Variants in MSRA observed in about 807,000 individuals in gnomAD.
The protein encoded by MSRA is mitochondrial peptide methionine sulfoxide reductase.
MSRA carries 54 observed loss-of-function variants against 31.3 expected under a neutral mutation model. The observed-to-expected ratio is 1.73, with a 90% CI of 1.39 to 2.17. MSRA has a LOEUF of 2.17. Among genes scored for constraint, MSRA ranks in the 30% most tolerant of loss-of-function variants. The pLI, the probability that MSRA is intolerant of heterozygous loss-of-function variation, is 0.00. For missense variants in MSRA, 507 were observed against 300.9 expected (o/e 1.69, Z -5.07); for synonymous variants, 169 against 116.5 (o/e 1.45, Z -2.90).
intron 2 of MSRA, among the ~76,000 whole-genome samples, chr8:10,210,354 G>A (rs1390235681): frequency 1.3e-5 from 2 of 152,174 alleles, no homozygotes; most frequent in African/African-American, 2.4e-5. Context: ...GACTCTCTCT[G>A]CACTGGTTCA....
chr8:10,242,655 T>G (rs1367912571), intron 2 of MSRA, among the ~76,000 whole-genome samples: 1 of 152,234 alleles, frequency 6.6e-6, no homozygotes, highest in Non-Finnish European at 1.5e-5. Flanking sequence ...ATATTCATAA[T>G]GATCACCAGA....
At chr8:10,063,555 AC>A (rs986315476) in intron 1 of MSRA, among the ~76,000 whole-genome samples, 7 of 151,410 alleles carry the variant, frequency 4.6e-5, no homozygotes, top group African/African-American at 1.7e-4. Flanking sequence ...TGAAATCCTC[AC>A]CCCCCCAGGT....
intron 3 of MSRA, among the ~76,000 whole-genome samples, chr8:10,252,754 C>T (rs1335419902): frequency 2.6e-5 from 4 of 152,184 alleles, no homozygotes; most frequent in Non-Finnish European, 5.9e-5. Context: ...CTGGTACGCA[C>T]CTGCTCCAGT....
At chr8:10,359,913 A>T (rs1563392337) in intron 5 of MSRA, among the ~76,000 whole-genome samples, 1 of 152,116 alleles carries the variant, frequency 6.6e-6, no homozygotes, top group Non-Finnish European at 1.5e-5. Context: ...ACAGTGTTAA[A>T]ACTGTGCAGC....
intron 1 of MSRA, among the ~76,000 whole-genome samples, chr8:10,078,216 T>A (rs891393131): frequency 2.3e-4 from 35 of 152,242 alleles, no homozygotes; most frequent in African/African-American, 7.7e-4. Context: ...TTTCTGCTTT[T>A]TCTTTCCCTC....
intron 5 of MSRA, among the ~76,000 whole-genome samples, chr8:10,328,722 G>T (rs185484515): frequency 1.3e-5 from 2 of 152,284 alleles, no homozygotes; most frequent in Admixed American, 1.3e-4. Flanking sequence ...GTATATCTAA[G>T]ATGTAGCCTA....
chr8:10,296,451 A>G lies in MSRA; in HGVS notation c.332-5083A>G, dbSNP rs544217689. Among the ~76,000 whole-genome samples, 21 of 152,286 alleles carry G rather than the reference A, an allele frequency of 1.4e-4. No individual in the cohort carries two copies. In the East Asian group the frequency reaches 4.1e-3, roughly 29 times the overall value. On this transcript the variant is annotated intron_variant, in intron 3 of 5. Coordinates refer to ENST00000317173, the MANE Select transcript of MSRA (RefSeq NM_012331.5). ...ATTTAATCTTTGTTTTGTCACAGAG[A>G]TATTTTATTCCCATCTAAAAAAGTA...
chr8:10,198,085 T>A (rs1370019053), intron 1 of MSRA, among the ~76,000 whole-genome samples: 2 of 152,224 alleles, frequency 1.3e-5, no homozygotes, highest in Non-Finnish European at 2.9e-5. Context: ...CGATAGGGGC[T>A]AACTTTCCTT....
chr8:10,091,219 C>G (rs768244941), intron 1 of MSRA, among the ~76,000 whole-genome samples: 1 of 152,118 alleles, frequency 6.6e-6, no homozygotes, highest in African/African-American at 2.4e-5. Flanking sequence ...ATATTCGTAA[C>G]GATATTGGTC....
intron 3 of MSRA, among the ~76,000 whole-genome samples, chr8:10,295,321 C>A (rs964619352): frequency 6.6e-6 from 1 of 152,106 alleles, no homozygotes; most frequent in Non-Finnish European, 1.5e-5. Flanking sequence ...CGTCGCACTG[C>A]GCTGCCTCTC....
Position 10,428,221 on chromosome 8 carries a change from A to G in MSRA, c.617A>G (p.Asp206Gly), listed in dbSNP as rs750027175. ...GGACAGACTTTCTACTATGCGGAAG[A>G]CTACCACCAGCAGTACCTGAGCAAG... ...REGQTFYYAE[D>G]YHQQYLSKNP... The change falls in exon 6 of 6, where the codon GAC (aspartate) becomes GGC (glycine). Residue 206 changes from aspartate (D) to glycine (G), a missense_variant. Coordinates refer to ENST00000317173, the MANE Select transcript of MSRA (RefSeq NM_012331.5). 2.5e-6 allele frequency: 4 copies of G among 1,614,052 alleles called. No individual in the cohort carries two copies. In the African/African-American group the frequency reaches 5.3e-5, roughly 22 times the overall value.
chr8:10,069,047 C>G (rs950245170), intron 1 of MSRA, among the ~76,000 whole-genome samples: 3 of 152,088 alleles, frequency 2.0e-5, no homozygotes, highest in African/African-American at 7.2e-5. Flanking sequence ...TGTAAATGGT[C>G]TTGTTTGTGA....
chr8:10,428,321 C>T lies in MSRA; in HGVS notation c.*9C>T, dbSNP rs759255369. The T allele has an allele frequency of 1.2e-6, 2 of 1,611,786 alleles. No homozygotes were observed. Among genetic ancestry groups the T allele is most frequent in the Admixed American group, 1.7e-5 (1 of 59,152 alleles). On this transcript the variant is annotated 3_prime_UTR_variant, in exon 6 of 6. Transcript: ENST00000317173. ...TGGGTATTAAAAAATAATTTCTCCCCACATGGTGGGCCTTTGAGGTTCCAG... is the reference window on the plus strand; with the variant it reads ...TGGGTATTAAAAAATAATTTCTCCCTACATGGTGGGCCTTTGAGGTTCCAG...
chr8:10,190,028 T>A (rs1807372669), intron 1 of MSRA, among the ~76,000 whole-genome samples: 1 of 152,206 alleles, frequency 6.6e-6, no homozygotes, highest in African/African-American at 2.4e-5. Context: ...CTGTTATTAA[T>A]TTGTTGCCTC....
At chr8:10,346,931 A>G (rs1803816234) in intron 5 of MSRA, among the ~76,000 whole-genome samples, 1 of 152,104 alleles carries the variant, frequency 6.6e-6, no homozygotes. Flanking sequence ...ATATAGTCAG[A>G]CTAGTGTCCA....
intron 5 of MSRA, among the ~76,000 whole-genome samples, chr8:10,356,151 C>G (rs939380281): frequency 1.3e-5 from 2 of 152,160 alleles, no homozygotes; most frequent in African/African-American, 4.8e-5. Flanking sequence ...CTGCTGGTAA[C>G]GGTAGTTGGC....
intron 2 of MSRA, among the ~76,000 whole-genome samples, chr8:10,242,133 T>C (rs1386166242): frequency 6.6e-6 from 1 of 152,030 alleles, no homozygotes; most frequent in East Asian, 1.9e-4. Context: ...TAGCCGGGCA[T>C]GGTAGTACGC....
intron 5 of MSRA, among the ~76,000 whole-genome samples, chr8:10,373,640 A>G (rs1405233817): frequency 2.0e-5 from 3 of 152,246 alleles, no homozygotes; most frequent in Non-Finnish European, 4.4e-5. Flanking sequence ...GTTGGCTTGC[A>G]TGGGGGCCAG....
chr8:10,118,140 C>T (rs1434486491), intron 1 of MSRA, among the ~76,000 whole-genome samples: 1 of 152,168 alleles, frequency 6.6e-6, no homozygotes, highest in Non-Finnish European at 1.5e-5. Flanking sequence ...GGAGCATTCA[C>T]CGTGGCTTTT....
Sources: gnomAD v4.1 joint callset for allele counts (sites outside exome capture counted in the v4.1 genomes callset) on GRCh38, gnomAD v4.1.1 for gene constraint, MANE v1.5 for transcripts, NCBI Gene and HGNC (gene_info 2026-07-23, HGNC 2026-07-21) for gene names.